Variants in PPP1R12A observed in about 807,000 individuals in gnomAD.
PPP1R12A encodes myosin binding subunit.
In PPP1R12A, 19 loss-of-function variants were observed where a neutral mutation model predicts 139.6. The observed-to-expected ratio is 0.14, with a 90% CI of 0.09 to 0.20. PPP1R12A has a LOEUF of 0.20. PPP1R12A is among the 10% of genes least tolerant of loss of function. PPP1R12A has a pLI of 1.00. For synonymous variants in PPP1R12A, 427 were observed against 420.6 expected, an observed-to-expected ratio of 1.02 and a Z score of -0.19; for missense variants, 925 against 1,211.5, an observed-to-expected ratio of 0.76 and a Z score of 3.51.
intron 1 of PPP1R12A, among the ~76,000 whole-genome samples, chr12:79,879,871 G>C (rs1312814090): frequency 6.7e-6 from 1 of 149,014 alleles, no homozygotes; most frequent in Non-Finnish European, 1.5e-5. Context: ...AAGTTAAAAA[G>C]TTAAAAAAAA....
chr12:79,924,403 T>A (rs1452304614), intron 1 of PPP1R12A, among the ~76,000 whole-genome samples: 1 of 152,162 alleles, frequency 6.6e-6, no homozygotes, highest in Non-Finnish European at 1.5e-5. Context: ...TGACATAGTG[T>A]CATGATCTAG....
chr12:79,892,315 G>A (rs1446688972), intron 1 of PPP1R12A, among the ~76,000 whole-genome samples: 4 of 152,146 alleles, frequency 2.6e-5, no homozygotes, highest in East Asian at 1.9e-4. Context: ...TGCCCAATCC[G>A]AAATTATAAC....
intron 1 of PPP1R12A, among the ~76,000 whole-genome samples, chr12:79,925,224 ATGTT>A (rs1431922397): frequency 6.6e-6 from 1 of 152,126 alleles, no homozygotes; most frequent in Non-Finnish European, 1.5e-5. Context: ...ATAATTTGGG[ATGTT>A]TATTACAAGT....
chr12:79,907,350 T>C (rs1259538807), intron 1 of PPP1R12A, among the ~76,000 whole-genome samples: 1 of 152,180 alleles, frequency 6.6e-6, no homozygotes, highest in Admixed American at 6.5e-5. Flanking sequence ...AATGGAACTC[T>C]GGAACTTCTT....
chr12:79,813,169 G>C (rs1007691475), intron 9 of PPP1R12A, among the ~76,000 whole-genome samples: 3 of 152,024 alleles, frequency 2.0e-5, no homozygotes, highest in Non-Finnish European at 2.9e-5. Flanking sequence ...TACTTTTCCT[G>C]TTTACTTTGT....
At chr12:79,907,918 T>C (rs762616655) in intron 1 of PPP1R12A, among the ~76,000 whole-genome samples, 18 of 152,232 alleles carry the variant, frequency 1.2e-4, no homozygotes, top group Non-Finnish European at 2.1e-4. Flanking sequence ...TCTATGTATC[T>C]ATGTTTCTTT....
intron 3 of PPP1R12A, among the ~76,000 whole-genome samples, chr12:79,836,203 T>G (rs975460169): frequency 1.3e-5 from 2 of 152,190 alleles, no homozygotes; most frequent in Non-Finnish European, 1.5e-5. Context: ...ATTTCTATAG[T>G]AAAGCAGTTT....
intron 1 of PPP1R12A, among the ~76,000 whole-genome samples, chr12:79,873,783 G>C (rs1178812579): frequency 6.6e-6 from 1 of 152,146 alleles, no homozygotes; most frequent in African/African-American, 2.4e-5. Context: ...GAACAAGATG[G>C]GAAGTGTATG....
At chr12:79,884,319 C>G (rs576247587) in intron 1 of PPP1R12A, among the ~76,000 whole-genome samples, 1 of 151,952 alleles carries the variant, frequency 6.6e-6, no homozygotes, top group Non-Finnish European at 1.5e-5. Context: ...ACTTTTAAGT[C>G]GACATAAGAA....
intron 1 of PPP1R12A, among the ~76,000 whole-genome samples, chr12:79,928,375 C>T (rs1888003300): frequency 6.6e-6 from 1 of 152,182 alleles, no homozygotes; most frequent in Non-Finnish European, 1.5e-5. Flanking sequence ...TACCAGCACA[C>T]CCCATATATG....
In PPP1R12A at chr12:79,774,926, A is replaced by AGCT. The variant is rs1555186235; in HGVS notation, c.*1002_*1003insAGC. The AGCT allele has an allele frequency of 6.6e-6, 1 of 152,180 alleles. No homozygotes were observed. The highest frequency in any genetic ancestry group is 2.4e-5 in the African/African-American group (1 of 41,344). 9.4% of individuals were successfully genotyped at this position (152,180 alleles called of 1,614,324 possible). On this transcript the variant is annotated 3_prime_UTR_variant, in exon 25 of 25. Transcript: ENST00000450142. ...ACTTTACAGTAGGAAACTTTTGTAA[A>AGCT]GATAGGGCTCCACATAATGTGTAAC...
chr12:79,799,904 G>T (rs73349345), intron 14 of PPP1R12A, among the ~76,000 whole-genome samples: 1 of 152,046 alleles, frequency 6.6e-6, no homozygotes, highest in Non-Finnish European at 1.5e-5. Flanking sequence ...AGTTACTCGG[G>T]AGGCTGAGAT....
intron 1 of PPP1R12A, among the ~76,000 whole-genome samples, chr12:79,874,457 T>C (rs1296497884): frequency 6.6e-6 from 1 of 152,076 alleles, no homozygotes; most frequent in African/African-American, 2.4e-5. Context: ...TATTAATACA[T>C]ACAACCAAGA....
intron 8 of PPP1R12A, among the ~76,000 whole-genome samples, chr12:79,820,046 AAAC>A (rs5799443): frequency 0.12 from 17,596 of 152,060 alleles, 2,078 homozygotes; most frequent in East Asian, 0.62. Context: ...AAAAAACACA[AAAC>A]AATATTATAA....
At chr12:79,887,868 T>C (rs1337266763) in intron 1 of PPP1R12A, among the ~76,000 whole-genome samples, 3 of 152,186 alleles carry the variant, frequency 2.0e-5, no homozygotes, top group African/African-American at 4.8e-5. Context: ...AAAGCGTTAA[T>C]TAACACTTTA....
chr12:79,888,187 C>T (rs1160750660), intron 1 of PPP1R12A, among the ~76,000 whole-genome samples: 2 of 152,040 alleles, frequency 1.3e-5, no homozygotes, highest in Middle Eastern at 3.2e-3. Flanking sequence ...GCACAAGACA[C>T]GTAACTAAAC....
At chr12:79,842,151 C>T (rs1878793526) in intron 3 of PPP1R12A, among the ~76,000 whole-genome samples, 1 of 152,210 alleles carries the variant, frequency 6.6e-6, no homozygotes, top group Non-Finnish European at 1.5e-5. Context: ...AAAACTGCAT[C>T]TCTACTTAAA....
chr12:79,833,925 CAAG>C (rs1877770509), intron 3 of PPP1R12A, among the ~76,000 whole-genome samples: 1 of 144,930 alleles, frequency 6.9e-6, no homozygotes, highest in African/African-American at 2.5e-5. Context: ...AAATATAAAA[CAAG>C]AACACACACA....
At chr12:79,879,208 C>T (rs779069042) in intron 1 of PPP1R12A, among the ~76,000 whole-genome samples, 36 of 151,962 alleles carry the variant, frequency 2.4e-4, no homozygotes, top group Admixed American at 6.6e-4. Flanking sequence ...GGCAAAACCC[C>T]GTCTCTACTA....
Sources: gnomAD v4.1 joint callset for allele counts (sites outside exome capture counted in the v4.1 genomes callset) on GRCh38, gnomAD v4.1.1 for gene constraint, MANE v1.5 for transcripts, NCBI Gene and HGNC (gene_info 2026-07-23, HGNC 2026-07-21) for gene names.